PAX5: variants seen among roughly 807,000 people sequenced by gnomAD.
PAX5 encodes the protein paired box 5.
PAX5 carries 9 observed loss-of-function variants against 43.7 expected under a neutral mutation model. That is an observed-to-expected ratio of 0.21 (90% CI 0.12 to 0.36). The LOEUF is 0.36. PAX5 is among the 10% of genes least tolerant of loss of function. PAX5 has a pLI of 1.00. For synonymous variants in PAX5, 228 were observed against 214.3 expected, an observed-to-expected ratio of 1.06 and a Z score of -0.56; for missense variants, 383 against 532.7, an observed-to-expected ratio of 0.72 and a Z score of 2.77.
intron 5 of PAX5, among the ~76,000 whole-genome samples, chr9:36,978,278 TAATTAG>T (rs1271822010): frequency 2.0e-5 from 3 of 152,238 alleles, no homozygotes; most frequent in African/African-American, 7.2e-5. Context: ...ATATGCACAC[TAATTAG>T]AAAGGATGTT....
rs1821891563 is a variant in PAX5 at position 36,839,690 on chromosome 9, T to C, written c.*870A>G. 4.3e-6 allele frequency: 1 copy of C among 233,272 alleles called. No individual in the cohort carries two copies. The highest frequency in any genetic ancestry group is 2.2e-5 in the African/African-American group (1 of 45,370). 14.5% of individuals were successfully genotyped at this position (233,272 alleles called of 1,614,324 possible). Reference sequence around the variant, plus strand: ...CCTTGGCTGGGATCAGATGATCTCCTGCGTCCCATCCAGCCCTCACATTCA... The same window carrying C: ...CCTTGGCTGGGATCAGATGATCTCCCGCGTCCCATCCAGCCCTCACATTCA... On this transcript the variant is annotated 3_prime_UTR_variant, in exon 10 of 10. Transcript: ENST00000358127.
intron 8 of PAX5, among the ~76,000 whole-genome samples, chr9:36,851,413 G>T (rs950974855): frequency 1.3e-5 from 2 of 152,176 alleles, no homozygotes; most frequent in African/African-American, 4.8e-5. Context: ...ACACTCAAAT[G>T]CCTTGGATGG....
intron 6 of PAX5, among the ~76,000 whole-genome samples, chr9:36,950,334 T>C (rs1832892506): frequency 6.6e-6 from 1 of 152,192 alleles, no homozygotes; most frequent in Admixed American, 6.5e-5. Flanking sequence ...AGCCAAGACA[T>C]TGGGAAAGAA....
chr9:36,990,516 AATTTTCTTTCAGCTG>A (rs1299362301), intron 5 of PAX5, among the ~76,000 whole-genome samples: 50 of 152,336 alleles, frequency 3.3e-4, no homozygotes, highest in African/African-American at 1.2e-3. Flanking sequence ...CATTGATCAG[AATTTTCTTTCAGCTG>A]CTATGTGGAG....
chr9:37,021,996 C>T (rs1371079442), intron 1 of PAX5, among the ~76,000 whole-genome samples: 1 of 152,200 alleles, frequency 6.6e-6, no homozygotes, highest in East Asian at 1.9e-4. Context: ...ATAGCCACCT[C>T]ATCTCAGCTA....
At chr9:36,936,677 T>G (rs1436858077) in intron 6 of PAX5, among the ~76,000 whole-genome samples, 1 of 152,194 alleles carries the variant, frequency 6.6e-6, no homozygotes. Flanking sequence ...AGAAAGGTTA[T>G]GTTGGAGGCA....
intron 6 of PAX5, chr9:36,930,745 T>G (rs1445915064): frequency 2.5e-6 from 2 of 801,154 alleles, no homozygotes; most frequent in African/African-American, 1.8e-5. Context: ...TCGACGATCA[T>G]GAGAATCTGA....
At chr9:36,962,698 C>T (rs1191428126) in intron 6 of PAX5, among the ~76,000 whole-genome samples, 3 of 152,196 alleles carry the variant, frequency 2.0e-5, no homozygotes, top group Non-Finnish European at 4.4e-5. Context: ...AGAGCTAGGA[C>T]TCAAATCAAG....
intron 4 of PAX5, among the ~76,000 whole-genome samples, chr9:37,003,191 C>T (rs1276849153): frequency 6.9e-6 from 1 of 145,786 alleles, no homozygotes; most frequent in African/African-American, 2.5e-5. Flanking sequence ...ACCTGAACTA[C>T]TCGTTAGGCA....
At chr9:36,857,429 G>A (rs1823785516) in intron 8 of PAX5, among the ~76,000 whole-genome samples, 1 of 152,204 alleles carries the variant, frequency 6.6e-6, no homozygotes, top group Non-Finnish European at 1.5e-5. Context: ...TCAGTGAAAT[G>A]CGCCTAGGCT....
chr9:36,924,734 T>TGGAA (rs772116401), intron 6 of PAX5, among the ~76,000 whole-genome samples: 4,642 of 61,058 alleles, frequency 0.076, 187 homozygotes, highest in African/African-American at 0.084. Flanking sequence ...AAGAAAGAGG[T>TGGAA]GGAAGGAAGG....
chr9:37,025,170 T>C (rs529899500), intron 1 of PAX5, among the ~76,000 whole-genome samples: 3 of 152,264 alleles, frequency 2.0e-5, no homozygotes, highest in South Asian at 2.1e-4. Flanking sequence ...GGGGCTCCTC[T>C]GCACAGAGCT....
chr9:36,946,765 GAA>G (rs1386763534), intron 6 of PAX5, among the ~76,000 whole-genome samples: 2 of 152,192 alleles, frequency 1.3e-5, no homozygotes, highest in Admixed American at 6.5e-5. Flanking sequence ...AGCTGGCCTG[GAA>G]GCATCCCCAG....
chr9:36,937,272 C>G (rs1051391685), intron 6 of PAX5, among the ~76,000 whole-genome samples: 3 of 152,166 alleles, frequency 2.0e-5, no homozygotes, highest in African/African-American at 7.2e-5. Context: ...TATTACTACC[C>G]TCCCTTTACA....
chr9:36,895,976 A>T (rs2131835832), intron 7 of PAX5, among the ~76,000 whole-genome samples: 1 of 151,736 alleles, frequency 6.6e-6, no homozygotes, highest in South Asian at 2.1e-4. Context: ...GAGTCAGAAA[A>T]CCCCGCACTT....
intron 1 of PAX5, among the ~76,000 whole-genome samples, chr9:37,027,605 T>TGCCGCC (rs550059461): frequency 6.6e-6 from 1 of 152,174 alleles, no homozygotes; most frequent in Non-Finnish European, 1.5e-5. Flanking sequence ...CTGCCTGCGT[T>TGCCGCC]GCCGCCGCCG....
intron 7 of PAX5, among the ~76,000 whole-genome samples, chr9:36,918,664 A>T (rs1175138503): frequency 1.3e-5 from 2 of 152,190 alleles, no homozygotes; most frequent in Admixed American, 1.3e-4. Flanking sequence ...CTGCCTCAAA[A>T]AAAAGAAGAA....
chr9:37,015,440 T>C lies in PAX5; in HGVS notation c.213-246A>G, dbSNP rs935441098. ...AAAAGAAGTAAAATATCTCAATAAT[T>C]TTGATATTAGTTGTATGTTGAAATA... On this transcript the variant is annotated intron_variant, in intron 2 of 9. Transcript: ENST00000358127. This position sits in a 1 kb window ranked among gnomAD's most constrained non-coding sequence, Gnocchi z 4.4. Among the ~76,000 whole-genome samples the C allele has an allele frequency of 6.6e-6, 1 of 152,186 alleles. No homozygotes were observed. Among genetic ancestry groups the C allele is most frequent in the African/African-American group, 2.4e-5 (1 of 41,442 alleles).
intron 2 of PAX5, among the ~76,000 whole-genome samples, chr9:37,016,567 T>G (rs944065): frequency 6.6e-6 from 1 of 152,074 alleles, no homozygotes; most frequent in Admixed American, 6.5e-5. Context: ...CAGGGGGGGA[T>G]AATTGACATA....
Sources: gnomAD v4.1 joint callset for allele counts (sites outside exome capture counted in the v4.1 genomes callset) on GRCh38, gnomAD v4.1.1 for gene constraint, Gnocchi (gnomAD v3.1) non-coding constraint, MANE v1.5 for transcripts, NCBI Gene and HGNC (gene_info 2026-07-23, HGNC 2026-07-21) for gene names.